The following UVRAG variants were observed in gnomAD, a reference collection of about 807,000 sequenced individuals.
The protein encoded by UVRAG is UV radiation resistance associated.
A neutral mutation model predicts 78.0 loss-of-function variants in UVRAG; 19 were observed. The ratio of observed to expected loss-of-function variants is 0.24; its 90% CI spans 0.17 to 0.36. UVRAG has a LOEUF of 0.36. Among genes scored for constraint, UVRAG ranks in the 10% least tolerant of loss-of-function variants. UVRAG has a pLI of 1.00. For synonymous variants in UVRAG, 323 were observed against 324.6 expected (o/e 1.00, Z 0.05); for missense variants, 740 against 853.8 (o/e 0.87, Z 1.66).
chr11:75,853,645 G>T (rs189051131), intron 2 of UVRAG, among the ~76,000 whole-genome samples: 8 of 152,064 alleles, frequency 5.3e-5, no homozygotes, highest in African/African-American at 1.9e-4. Context: ...GAGCCACTGT[G>T]CCTGGCAATA....
intron 14 of UVRAG, among the ~76,000 whole-genome samples, chr11:76,124,743 C>T (rs1401806689): frequency 6.6e-6 from 1 of 152,222 alleles, no homozygotes; most frequent in Non-Finnish European, 1.5e-5. Flanking sequence ...AGTCCTTCTG[C>T]TGACCTATTT....
chr11:76,101,849 AT>A (rs746449891), intron 13 of UVRAG, among the ~76,000 whole-genome samples: 3 of 152,138 alleles, frequency 2.0e-5, no homozygotes, highest in East Asian at 3.9e-4. Context: ...TCCTTTCTCC[AT>A]TGCTTGTTTT....
chr11:76,044,945 G>T (rs994952045), intron 12 of UVRAG, among the ~76,000 whole-genome samples: 1 of 152,124 alleles, frequency 6.6e-6, no homozygotes, highest in African/African-American at 2.4e-5. Flanking sequence ...CTAAGAGCTC[G>T]CAAGGGGGAA....
In UVRAG at chr11:76,090,916, A is replaced by G. The variant is rs966466010; in HGVS notation, c.1306-25008A>G. Among the ~76,000 whole-genome samples, 73 of 152,314 alleles carry G rather than the reference A, an allele frequency of 4.8e-4. 1 individual carries two copies. The highest frequency in any genetic ancestry group is 1.7e-3 in the African/African-American group (69 of 41,586). On this transcript the variant is annotated intron_variant, in intron 13 of 14. Coordinates refer to ENST00000356136, the MANE Select transcript of UVRAG (RefSeq NM_003369.4). The stretch of plus-strand genomic sequence containing the variant: ...TCATATTGTTTTCTATGGCTTTACC[A>G]TAATCCTAGGGATTTCCATAATTTC...
chr11:76,001,165 T>G (rs1011463316), intron 8 of UVRAG, among the ~76,000 whole-genome samples: 1 of 152,160 alleles, frequency 6.6e-6, no homozygotes, highest in Non-Finnish European at 1.5e-5. Context: ...CAGAGTAAAC[T>G]GGAAGTTACT....
intron 14 of UVRAG, among the ~76,000 whole-genome samples, chr11:76,134,286 G>C (rs1290133155): frequency 1.4e-5 from 2 of 147,336 alleles, no homozygotes; most frequent in African/African-American, 5.0e-5. Context: ...TTTGGTGGGC[G>C]GGGGAGTCTT....
At chr11:75,982,968 C>CATTA (rs1187241254) in intron 7 of UVRAG, among the ~76,000 whole-genome samples, 1 of 152,064 alleles carries the variant, frequency 6.6e-6, no homozygotes, top group Non-Finnish European at 1.5e-5. Context: ...CTGCTATGAA[C>CATTA]ATTAGTATTC....
intron 1 of UVRAG, among the ~76,000 whole-genome samples, chr11:75,824,517 C>A: frequency 6.6e-6 from 1 of 151,224 alleles, no homozygotes; most frequent in South Asian, 2.1e-4. Context: ...AGAGCACAAG[C>A]AGAATTGAAA....
chr11:75,861,370 T>C (rs1390952854), intron 2 of UVRAG, among the ~76,000 whole-genome samples: 2 of 152,146 alleles, frequency 1.3e-5, no homozygotes, highest in African/African-American at 4.8e-5. Context: ...AGTACTGCAA[T>C]GGGTAATCAT....
intron 13 of UVRAG, among the ~76,000 whole-genome samples, chr11:76,067,459 A>G (rs577866314): frequency 4.6e-5 from 7 of 152,322 alleles, no homozygotes; most frequent in Non-Finnish European, 1.0e-4. Flanking sequence ...GAACTTGTCA[A>G]AAGTGCTCAG....
intron 5 of UVRAG, among the ~76,000 whole-genome samples, chr11:75,897,525 TTTA>T (rs1468904138): frequency 1.3e-5 from 2 of 152,116 alleles, no homozygotes; most frequent in Non-Finnish European, 2.9e-5. Context: ...ATTTATTTTA[TTTA>T]TTATTATTAT....
intron 1 of UVRAG, among the ~76,000 whole-genome samples, chr11:75,819,748 C>G (rs1051887097): frequency 2.6e-5 from 4 of 151,924 alleles, no homozygotes; most frequent in Non-Finnish European, 4.4e-5. Flanking sequence ...GCAGGCTGAT[C>G]ACTTGAGGTC....
At chr11:75,828,451 A>G (rs1416370611) in intron 1 of UVRAG, among the ~76,000 whole-genome samples, 1 of 150,530 alleles carries the variant, frequency 6.6e-6, no homozygotes, top group East Asian at 1.9e-4. Flanking sequence ...CTCTAAAAAA[A>G]AAAAAAAAAA....
intron 8 of UVRAG, among the ~76,000 whole-genome samples, chr11:76,002,051 C>T (rs533246889): frequency 6.6e-6 from 1 of 152,122 alleles, no homozygotes; most frequent in South Asian, 2.1e-4. Flanking sequence ...ATGTGATACC[C>T]TTAGAAGGAC....
chr11:75,817,146 GT>G (rs1224976827), intron 1 of UVRAG, among the ~76,000 whole-genome samples: 1 of 152,184 alleles, frequency 6.6e-6, no homozygotes, highest in African/African-American at 2.4e-5. Context: ...ATTAATGTGA[GT>G]TTTTGTATGT....
chr11:75,999,573 G>T lies in UVRAG; in HGVS notation c.827-4432G>T, dbSNP rs569480805. Among the ~76,000 whole-genome samples the T allele has an allele frequency of 1.3e-4, 19 of 151,994 alleles. No individual in the cohort carries two copies. In the East Asian group the frequency reaches 3.1e-3, roughly 25 times the overall value. ...TTTTTGTATTTTTAGTAGAGACGGG[G>T]TTTCACTATGTTGGTCAGGCTGGTC... is the stretch of plus-strand genomic sequence containing the variant. On this transcript the variant is annotated intron_variant, in intron 8 of 14. Transcript: ENST00000356136.
intron 6 of UVRAG, among the ~76,000 whole-genome samples, chr11:75,949,571 G>T (rs545521342): frequency 3.3e-4 from 50 of 152,022 alleles, no homozygotes; most frequent in African/African-American, 1.2e-3. Context: ...TTCTCAAACT[G>T]TTGCTGCCGT....
intron 1 of UVRAG, among the ~76,000 whole-genome samples, chr11:75,832,904 G>T (rs1261042302): frequency 1.3e-5 from 2 of 152,146 alleles, no homozygotes; most frequent in Non-Finnish European, 2.9e-5. Context: ...AGATGCTTCT[G>T]TCCCCCTATA....
At chr11:76,013,376 C>T (rs1950090126) in intron 11 of UVRAG, among the ~76,000 whole-genome samples, 2 of 152,154 alleles carry the variant, frequency 1.3e-5, no homozygotes, top group South Asian at 2.1e-4. Flanking sequence ...ATCTTTTTCA[C>T]ATACCTGAGT....
Sources: gnomAD v4.1 joint callset for allele counts (sites outside exome capture counted in the v4.1 genomes callset) on GRCh38, gnomAD v4.1.1 for gene constraint, MANE v1.5 for transcripts, NCBI Gene and HGNC (gene_info 2026-07-23, HGNC 2026-07-21) for gene names.